The following EMC8 variants were observed in gnomAD, a reference collection of about 807,000 sequenced individuals.
EMC8 encodes the protein ER membrane protein complex subunit 8.
EMC8 carries 11 observed loss-of-function variants against 24.3 expected under a neutral mutation model. That is an observed-to-expected ratio of 0.45 (90% CI 0.28 to 0.75). The LOEUF (loss-of-function observed/expected upper bound fraction) is 0.75, where lower values mean the gene tolerates loss of function less well. Ranked by LOEUF, EMC8 falls within the 30% of genes least tolerant of loss-of-function variation. The pLI, the probability that EMC8 is intolerant of heterozygous loss-of-function variation, is 0.12. For synonymous variants in EMC8, 145 were observed against 117.7 expected (o/e 1.23, Z -1.50); for missense variants, 277 against 282.7 (o/e 0.98, Z 0.14).
intron 1 of EMC8, among the ~76,000 whole-genome samples, chr16:85,793,899 CG>C (rs1567833475): frequency 6.6e-6 from 1 of 151,842 alleles, no homozygotes; most frequent in East Asian, 1.9e-4. Context: ...AGTTAATAGG[CG>C]TAAGTACTTA....
In EMC8 at chr16:85,799,368, G is replaced by A; in HGVS notation, c.-73C>T. On this transcript the variant is annotated 5_prime_UTR_variant, in exon 1 of 5. Coordinates refer to ENST00000253457, the MANE Select transcript of EMC8 (RefSeq NM_006067.5). This position sits in a 1 kb window ranked among gnomAD's most constrained non-coding sequence, Gnocchi z 4.2. ...TGGACCCGCTGCCTGGCCGCGCGGC[G>A]CCTCAGCCGAGAAGCGGGACGAGGC... 1.0e-6 allele frequency: 1 copy of A among 981,500 alleles called. No homozygotes were observed. Among genetic ancestry groups the A allele is most frequent in the Non-Finnish European group, 1.4e-6 (1 of 713,114 alleles). 60.8% of individuals were successfully genotyped at this position (981,500 alleles called of 1,614,324 possible). A position where few individuals can be genotyped will look rare whatever the true frequency, so the allele number is the denominator to read the frequency against.
intron 1 of EMC8, among the ~76,000 whole-genome samples, chr16:85,798,105 C>T (rs1212985608): frequency 1.4e-5 from 2 of 145,564 alleles, no homozygotes; most frequent in Non-Finnish European, 3.0e-5. Flanking sequence ...TTTAATGTCA[C>T]AGAAATTCGT....
chr16:85,789,658 G>T (rs150547877), intron 1 of EMC8, among the ~76,000 whole-genome samples: 1,640 of 152,226 alleles, frequency 0.011, 19 homozygotes, highest in Non-Finnish European at 0.017. Context: ...TGGGCGTGGT[G>T]GTGGGCGCTT....
intron 1 of EMC8, among the ~76,000 whole-genome samples, chr16:85,789,798 C>CAAA (rs879349757): frequency 9.9e-6 from 1 of 101,266 alleles, no homozygotes; most frequent in Non-Finnish European, 2.1e-5. Context: ...GTCTCCGTCT[C>CAAA]AAAAAAAAAA....
intron 2 of EMC8, among the ~76,000 whole-genome samples, chr16:85,785,943 T>C (rs1361650318): frequency 6.6e-6 from 1 of 152,166 alleles, no homozygotes; most frequent in Non-Finnish European, 1.5e-5. Flanking sequence ...ATGCTAACTA[T>C]GAAGCAAAAC....
At position 85,778,904 on chromosome 16, in the gene EMC8, TA is replaced by T. The variant is rs1238731391; in HGVS notation, c.*803del. On this transcript the variant is annotated 3_prime_UTR_variant, in exon 5 of 5. Transcript: ENST00000253457. ...AAAACTTGACCAAATGTTCTAAGTA[TA>T]AAAAGTACAGACGTCACTCTGCACA... 11 of 152,228 alleles carry T rather than the reference TA, an allele frequency of 7.2e-5. No individual in the cohort carries two copies. Among genetic ancestry groups the T allele is most frequent in the African/African-American group, 2.4e-4 (10 of 41,448 alleles). 9.4% of individuals were successfully genotyped at this position (152,228 alleles called of 1,614,324 possible). A position where few individuals can be genotyped will look rare whatever the true frequency, so the allele number is the denominator to read the frequency against.
chr16:85,799,224 G>C lies in EMC8; in HGVS notation c.72C>G (p.Cys24Trp), dbSNP rs1381841684. The C allele has an allele frequency of 6.2e-7, 1 of 1,613,360 alleles. No homozygotes were observed. The highest frequency in any genetic ancestry group is 1.7e-5 in the Admixed American group (1 of 60,026). ...CGGCCACCAGGAGCCCGTTGACGGCGCAGTGCGGGTACTTGGCGCCGTGCA... is the reference window on the plus strand; with the variant it reads ...CGGCCACCAGGAGCCCGTTGACGGCCCAGTGCGGGTACTTGGCGCCGTGCA... ...MVLHGAKYPH[C>W]AVNGLLVAEK... The change falls in exon 1 of 5, where the codon TGC (cysteine) becomes TGG (tryptophan). Residue 24 changes from cysteine (C) to tryptophan (W), a missense_variant. Physicochemically the swap from Cys to Trp is radical, Grantham distance 215. Transcript: ENST00000253457. This position sits in a 1 kb window ranked among gnomAD's most constrained non-coding sequence, Gnocchi z 4.2.
In EMC8 at chr16:85,799,181, T is replaced by A; in HGVS notation, c.115A>T (p.Lys39Ter). ...LLVAEKQKPR[K>*]EHLPLGGPGA... The stretch of plus-strand genomic sequence containing the variant: ...GGGCCGCCCAGGGGGAGGTGCTCCT[T>A]ACGCGGCTTCTGCTTCTCGGCCACC... The change falls in exon 1 of 5, where the codon AAG (lysine) becomes TAG (stop). Residue 39 changes from lysine to a stop codon, truncating the protein, a stop_gained. Transcript: ENST00000253457. LOFTEE classifies it high-confidence loss of function. This position sits in a 1 kb window ranked among gnomAD's most constrained non-coding sequence, Gnocchi z 4.2. 6.2e-7 allele frequency: 1 copy of A among 1,612,642 alleles called. No homozygotes were observed. The highest frequency in any genetic ancestry group is 8.5e-7 in the Non-Finnish European group (1 of 1,179,516).
At chr16:85,781,343 C>T (rs1049386178) in intron 2 of EMC8, 63 bp from the exon 3 acceptor site, 1 of 1,019,306 alleles carries the variant, frequency 9.8e-7, no homozygotes, top group East Asian at 2.4e-5. Flanking sequence ...ACAAAAGGCA[C>T]AGTCAACACC....
intron 1 of EMC8, among the ~76,000 whole-genome samples, chr16:85,791,780 T>C (rs1037822366): frequency 2.0e-5 from 3 of 152,182 alleles, no homozygotes; most frequent in African/African-American, 7.2e-5. Flanking sequence ...ATCATCCATC[T>C]CTTCCTCTCA....
At position 85,788,098 on chromosome 16, in the gene EMC8, T is replaced by C. The variant is rs1248097971; in HGVS notation, c.308+876A>G. 3.9e-5 allele frequency among the ~76,000 whole-genome samples: 6 copies of C among 152,214 alleles called. 1 individual carries two copies. The highest frequency in any genetic ancestry group is 9.6e-5 in the African/African-American group (4 of 41,454). On this transcript the variant is annotated intron_variant, in intron 2 of 4. Coordinates refer to ENST00000253457, the MANE Select transcript of EMC8 (RefSeq NM_006067.5). ...GGCAGCCTGACGCATGCCCGTTATA[T>C]ACGGCGTGGACTTTCCAGCTGCCCA...
intron 2 of EMC8, chr16:85,784,279 T>A (rs1378346974): frequency 6.6e-6 from 1 of 152,274 alleles, no homozygotes; most frequent in Non-Finnish European, 1.5e-5. Flanking sequence ...AATATAGGCG[T>A]GAGCCACCGC....
chr16:85,782,452 G>A (rs113173235), intron 2 of EMC8, among the ~76,000 whole-genome samples: 1 of 152,292 alleles, frequency 6.6e-6, no homozygotes, highest in South Asian at 2.1e-4. Flanking sequence ...ATGCCAGGAA[G>A]GGGCCTTCTC....
intron 1 of EMC8, 88 bp downstream of exon 1, chr16:85,798,976 TG>T: frequency 1.0e-6 from 1 of 958,488 alleles, no homozygotes; most frequent in Non-Finnish European, 1.5e-6. Flanking sequence ...AGGAGCCTGC[TG>T]GAGGGCGACC....
intron 2 of EMC8, chr16:85,785,083 A>C (rs1904691481): frequency 6.6e-6 from 1 of 152,248 alleles, no homozygotes; most frequent in Admixed American, 6.5e-5. Flanking sequence ...TGTAGCTGGG[A>C]CCACAGGCGT....
Position 85,781,355 on chromosome 16 carries a change from C to G in EMC8, c.309-75G>C, listed in dbSNP as rs1597199041. 7 of 938,564 alleles carry G rather than the reference C, an allele frequency of 7.5e-6. No homozygotes were observed. In the East Asian group the frequency reaches 1.7e-4, roughly 23 times the overall value. The allele number at this position is 938,564 out of a possible 1,614,324, so 58.1% of individuals were successfully genotyped here. A position where few individuals can be genotyped will look rare whatever the true frequency, so the allele number is the denominator to read the frequency against. ...TTTACAAAAGGCACAGTCAACACCA[C>G]TGAGACTTAACAAGCAATGACAGAA... On this transcript the variant is annotated intron_variant, in intron 2 of 4. Coordinates refer to ENST00000253457, the MANE Select transcript of EMC8 (RefSeq NM_006067.5).
At chr16:85,791,011 G>C (rs1268786494) in intron 1 of EMC8, among the ~76,000 whole-genome samples, 3 of 151,982 alleles carry the variant, frequency 2.0e-5, no homozygotes, top group Non-Finnish European at 4.4e-5. Flanking sequence ...ATTTTTTGTA[G>C]AGACAAAGGT....
intron 4 of EMC8, 47 bp downstream of exon 4, chr16:85,780,332 G>T: frequency 1.4e-6 from 2 of 1,421,304 alleles, no homozygotes; most frequent in African/African-American, 1.4e-5. Context: ...TCACGTGGCC[G>T]GGCGCTGAAG....
In EMC8 at chr16:85,799,004, C is replaced by T. The variant is rs1451390629; in HGVS notation, c.231+61G>A. 3.3e-6 allele frequency: 4 copies of T among 1,227,826 alleles called. No individual in the cohort carries two copies. The highest frequency in any genetic ancestry group is 4.6e-6 in the Non-Finnish European group (4 of 878,084). The allele number at this position is 1,227,826 out of a possible 1,614,324, so 76.1% of individuals were successfully genotyped here. On this transcript the variant is annotated intron_variant, in intron 1 of 4. Coordinates refer to ENST00000253457, the MANE Select transcript of EMC8 (RefSeq NM_006067.5). This position sits in a 1 kb window ranked among gnomAD's most constrained non-coding sequence, Gnocchi z 4.2. Reference sequence around the variant, plus strand: ...AGGGCGACCGCTGGGCCAGCTTCCTCTCTGCTGACTGAGGGGAGGCCAGGC... The same window carrying T: ...AGGGCGACCGCTGGGCCAGCTTCCTTTCTGCTGACTGAGGGGAGGCCAGGC...
Sources: allele counts gnomAD v4.1 joint callset (sites outside exome capture counted in the v4.1 genomes callset), GRCh38; gene constraint gnomAD v4.1.1; non-coding constraint Gnocchi (gnomAD v3.1); transcripts MANE v1.5; gene names NCBI Gene and HGNC (gene_info 2026-07-23, HGNC 2026-07-21).